PDZRN4: variants seen among roughly 807,000 people sequenced by gnomAD.
PDZRN4 encodes PDZ domain containing ring finger 4, also known as PDZ domain-containing RING finger protein 4.
Under a neutral mutation model 99.0 loss-of-function variants are expected in PDZRN4, and 70 were observed. The ratio of observed to expected loss-of-function variants is 0.71; its 90% CI spans 0.58 to 0.86. The LOEUF (loss-of-function observed/expected upper bound fraction) is 0.86, where lower values mean the gene tolerates loss of function less well. Among genes scored for constraint, PDZRN4 ranks in the 40% least tolerant of loss-of-function variants. The pLI, the probability that PDZRN4 is intolerant of heterozygous loss-of-function variation, is 0.00. For synonymous variants in PDZRN4, 551 were observed against 501.6 expected, an observed-to-expected ratio of 1.10 and a Z score of -1.32; for missense variants, 1,474 against 1,331.2, an observed-to-expected ratio of 1.11 and a Z score of -1.67.
intron 3 of PDZRN4, among the ~76,000 whole-genome samples, chr12:41,387,057 CG>C (rs1166493864): frequency 6.6e-6 from 1 of 151,950 alleles, no homozygotes; most frequent in Non-Finnish European, 1.5e-5. Flanking sequence ...GACATAGGCA[CG>C]AGCAATGATT....
chr12:41,558,535 A>C (rs1358513762), intron 7 of PDZRN4, among the ~76,000 whole-genome samples: 1 of 152,214 alleles, frequency 6.6e-6, no homozygotes, highest in Non-Finnish European at 1.5e-5. Context: ...AGTTGGATGG[A>C]AATAAAGTGC....
intron 3 of PDZRN4, among the ~76,000 whole-genome samples, chr12:41,332,575 G>A (rs967149918): frequency 6.6e-6 from 1 of 151,830 alleles, no homozygotes; most frequent in South Asian, 2.1e-4. Context: ...GAACCTAGGG[G>A]TCTTGTGATT....
intron 3 of PDZRN4, among the ~76,000 whole-genome samples, chr12:41,293,516 C>A (rs1024450079): frequency 6.6e-6 from 1 of 151,898 alleles, no homozygotes; most frequent in African/African-American, 2.4e-5. Flanking sequence ...GAATGAATGT[C>A]AGAGCAAAGT....
intron 3 of PDZRN4, among the ~76,000 whole-genome samples, chr12:41,253,937 A>G (rs1200854441): frequency 6.6e-6 from 1 of 151,998 alleles, no homozygotes; most frequent in Non-Finnish European, 1.5e-5. Context: ...ATAAAAGTGG[A>G]CCTCATGAAG....
intron 3 of PDZRN4, among the ~76,000 whole-genome samples, chr12:41,233,278 T>C (rs1951041276): frequency 6.6e-6 from 1 of 152,016 alleles, no homozygotes; most frequent in Non-Finnish European, 1.5e-5. Flanking sequence ...CATTAAAAAG[T>C]CAGGAAACAA....
At chr12:41,311,174 A>G (rs7299143) in intron 3 of PDZRN4, among the ~76,000 whole-genome samples, 2,421 of 152,274 alleles carry the variant, frequency 0.016, 63 homozygotes, top group African/African-American at 0.055. Flanking sequence ...GTACCACATC[A>G]TTATATAGAT....
At chr12:41,569,128 T>C (rs1459967929) in intron 9 of PDZRN4, among the ~76,000 whole-genome samples, 1 of 148,938 alleles carries the variant, frequency 6.7e-6, no homozygotes, top group Non-Finnish European at 1.5e-5. Context: ...ATTATTATTA[T>C]TATTATTTTA....
intron 3 of PDZRN4, among the ~76,000 whole-genome samples, chr12:41,252,760 G>T (rs569988376): frequency 6.6e-6 from 1 of 152,116 alleles, no homozygotes; most frequent in South Asian, 2.1e-4. Flanking sequence ...AGGCAAAACA[G>T]TCTTAACAGA....
chr12:41,478,232 C>G (rs1937622914), intron 3 of PDZRN4, among the ~76,000 whole-genome samples: 1 of 152,132 alleles, frequency 6.6e-6, no homozygotes, highest in Non-Finnish European at 1.5e-5. Context: ...TCTCGTGCCT[C>G]AGCCTCCCGA....
At position 41,226,551 on chromosome 12, in the gene PDZRN4, TA is replaced by T. The variant is rs374579818; in HGVS notation, c.843+32375del. Among the ~76,000 whole-genome samples, 1,034 of 145,626 alleles carry T rather than the reference TA, an allele frequency of 7.1e-3. 5 individuals are homozygous for T. Among genetic ancestry groups the T allele is most frequent in the African/African-American group, 0.016 (638 of 40,020 alleles). ...AGATTCCCAAAGGGGTCCATAATCT[TA>T]AAAAAAAAAAATGAACGTAAGGAAA... On this transcript the variant is annotated intron_variant, in intron 3 of 9. Transcript: ENST00000402685.
chr12:41,191,788 TG>T (rs763917341), intron 2 of PDZRN4, among the ~76,000 whole-genome samples: 2,162 of 135,206 alleles, frequency 0.016, 31 homozygotes, highest in Non-Finnish European at 0.023. Flanking sequence ...TTATTTATTT[TG>T]TTTGTTTGTT....
At chr12:41,566,443 T>C (rs1042273035) in intron 8 of PDZRN4, among the ~76,000 whole-genome samples, 1 of 152,188 alleles carries the variant, frequency 6.6e-6, no homozygotes, top group Non-Finnish European at 1.5e-5. Flanking sequence ...GGGCTGAATT[T>C]ACATTTTTAC....
intron 3 of PDZRN4, among the ~76,000 whole-genome samples, chr12:41,286,256 G>A (rs898977592): frequency 1.3e-5 from 2 of 150,546 alleles, no homozygotes; most frequent in African/African-American, 2.4e-5. Context: ...TGACTTTTAG[G>A]TTCTAAGATA....
intron 3 of PDZRN4, among the ~76,000 whole-genome samples, chr12:41,315,885 G>T (rs917760412): frequency 3.9e-5 from 6 of 152,060 alleles, no homozygotes; most frequent in Admixed American, 3.9e-4. Flanking sequence ...ATAAATCAAA[G>T]CTCCATTCTC....
intron 3 of PDZRN4, among the ~76,000 whole-genome samples, chr12:41,466,682 G>T (rs139213780): frequency 3.1e-4 from 47 of 149,812 alleles, no homozygotes; most frequent in African/African-American, 1.1e-3. Flanking sequence ...GTTGGACAAA[G>T]TAATTCATTT....
At chr12:41,304,124 G>A (rs963152792) in intron 3 of PDZRN4, among the ~76,000 whole-genome samples, 6 of 152,198 alleles carry the variant, frequency 3.9e-5, no homozygotes, top group African/African-American at 1.4e-4. Flanking sequence ...GAGAAAGAGA[G>A]GAAATGCATT....
intron 3 of PDZRN4, among the ~76,000 whole-genome samples, chr12:41,283,912 G>A (rs986372292): frequency 6.6e-6 from 1 of 152,154 alleles, no homozygotes; most frequent in Non-Finnish European, 1.5e-5. Flanking sequence ...CATACTGAAT[G>A]GGCAAAAACT....
chr12:41,358,903 C>T lies in PDZRN4; in HGVS notation c.844-147553C>T, dbSNP rs6582330. The stretch of plus-strand genomic sequence containing the variant: ...GAGATTTTATTTTTTCTACTGGGTT[C>T]CATTACTAACATTTCTGAAACAATT... On this transcript the variant is annotated intron_variant, in intron 3 of 9. Coordinates refer to ENST00000402685, the MANE Select transcript of PDZRN4 (RefSeq NM_001164595.2). Among the ~76,000 whole-genome samples the T allele has an allele frequency of 2.4e-3, 369 of 151,936 alleles. 1 individual carries two copies. The highest frequency in any genetic ancestry group is 8.4e-3 in the African/African-American group (347 of 41,486).
At chr12:41,321,740 G>C (rs954494729) in intron 3 of PDZRN4, among the ~76,000 whole-genome samples, 5 of 152,074 alleles carry the variant, frequency 3.3e-5, no homozygotes, top group Non-Finnish European at 7.4e-5. Context: ...AGGAAACAAA[G>C]ACATAATAAG....
Sources: gnomAD v4.1 joint callset for allele counts (sites outside exome capture counted in the v4.1 genomes callset) on GRCh38, gnomAD v4.1.1 for gene constraint, MANE v1.5 for transcripts, NCBI Gene and HGNC (gene_info 2026-07-23, HGNC 2026-07-21) for gene names.